The following TMEM132D variants were observed in gnomAD, a reference collection of about 807,000 sequenced individuals.
TMEM132D encodes transmembrane protein 132D, also known as mature OL transmembrane protein.
TMEM132D carries 21 observed loss-of-function variants against 62.3 expected under a neutral mutation model. That is an observed-to-expected ratio of 0.34 (90% CI 0.24 to 0.49). The LOEUF is 0.49. TMEM132D is among the 20% of genes least tolerant of loss of function. TMEM132D has a pLI of 0.99. For synonymous variants in TMEM132D, 621 were observed against 575.6 expected, an observed-to-expected ratio of 1.08 and a Z score of -1.13; for missense variants, 1,346 against 1,402.8, an observed-to-expected ratio of 0.96 and a Z score of 0.65.
chr12:129,658,081 G>GA (rs1880140288), intron 2 of TMEM132D, among the ~76,000 whole-genome samples: 1 of 152,208 alleles, frequency 6.6e-6, no homozygotes, highest in Admixed American at 6.5e-5. Context: ...AAGTGCTTGA[G>GA]AGAGTAGCCA....
intron 4 of TMEM132D, among the ~76,000 whole-genome samples, chr12:129,319,778 C>T (rs1316903304): frequency 1.3e-5 from 2 of 152,182 alleles, no homozygotes; most frequent in East Asian, 1.9e-4. Flanking sequence ...AGGTATTGTC[C>T]TTTCCTGTTC....
intron 5 of TMEM132D, among the ~76,000 whole-genome samples, chr12:129,165,690 T>TC (rs1565983714): frequency 1.6e-4 from 18 of 110,700 alleles, no homozygotes; most frequent in South Asian, 8.4e-4. Flanking sequence ...CTTTTTTTTT[T>TC]TCCCCTACAA....
At chr12:129,179,875 A>G (rs1347679150) in intron 5 of TMEM132D, among the ~76,000 whole-genome samples, 1 of 151,996 alleles carries the variant, frequency 6.6e-6, no homozygotes, top group African/African-American at 2.4e-5. Flanking sequence ...TAAAAATACA[A>G]AAATTAGCCA....
Position 129,081,795 on chromosome 12 carries a change from G to A in TMEM132D, c.1887C>T (p.Ile629=), listed in dbSNP as rs60962336. 45,524 of 1,612,262 alleles carry A rather than the reference G, an allele frequency of 0.028. 2,369 individuals are homozygous for A. Among genetic ancestry groups the A allele is most frequent in the Admixed American group, 0.2 (11,671 of 59,834 alleles). ...PRIAKLQGGQ[I]LMGQELGMTT... is the part of the protein sequence containing the mutation. ...TCATCCCAAGCTCCTGCCCCATCAG[G>A]ATCTGTCCGCCTTGCAGCTTGGCGA... The change falls in exon 7 of 9, where the codon ATC becomes ATT. Residue 629 remains isoleucine (I), a synonymous_variant. Coordinates refer to ENST00000422113, the MANE Select transcript of TMEM132D (RefSeq NM_133448.3).
chr12:129,790,132 G>A (rs1173208010), intron 1 of TMEM132D, among the ~76,000 whole-genome samples: 3 of 152,180 alleles, frequency 2.0e-5, no homozygotes, highest in Non-Finnish European at 4.4e-5. Flanking sequence ...AGATGCAGGA[G>A]CTGGGGCGAG....
chr12:129,826,301 G>A (rs563927149), intron 1 of TMEM132D, among the ~76,000 whole-genome samples: 16 of 152,286 alleles, frequency 1.1e-4, no homozygotes, highest in African/African-American at 3.8e-4. Context: ...CACACAGCGT[G>A]GGTGAGAAGT....
chr12:129,865,095 T>A (rs974286763), intron 1 of TMEM132D, among the ~76,000 whole-genome samples: 1 of 152,160 alleles, frequency 6.6e-6, no homozygotes, highest in Non-Finnish European at 1.5e-5. Context: ...ATGCCCAGGA[T>A]GAGCTGAGGT....
At chr12:129,240,240 T>G (rs992264528) in intron 4 of TMEM132D, among the ~76,000 whole-genome samples, 8 of 152,212 alleles carry the variant, frequency 5.3e-5, no homozygotes, top group Admixed American at 5.2e-4. Context: ...ATTTGCTTTA[T>G]GTATAAAATG....
intron 2 of TMEM132D, among the ~76,000 whole-genome samples, chr12:129,565,641 T>C (rs2137116114): frequency 6.6e-6 from 1 of 152,282 alleles, no homozygotes; most frequent in South Asian, 2.1e-4. Context: ...CAGCAGCCCA[T>C]TCTGCCTGGT....
At position 129,407,672 on chromosome 12, in the gene TMEM132D, C is replaced by T. The variant is rs186133063; in HGVS notation, c.1116-69855G>A. ...CTGTAATCCCAGCACTTTGGGAGAC[C>T]GAGGCAGGCGGATCATGAGGTCAGG... On this transcript the variant is annotated intron_variant, in intron 3 of 8. Coordinates refer to ENST00000422113, the MANE Select transcript of TMEM132D (RefSeq NM_133448.3). 1.8e-3 allele frequency among the ~76,000 whole-genome samples: 276 copies of T among 151,804 alleles called. 1 individual carries two copies. Among genetic ancestry groups the T allele is most frequent in the African/African-American group, 6.3e-3 (261 of 41,394 alleles).
At chr12:129,097,405 T>C (rs1328804322) in intron 5 of TMEM132D, among the ~76,000 whole-genome samples, 1 of 152,246 alleles carries the variant, frequency 6.6e-6, no homozygotes, top group Non-Finnish European at 1.5e-5. Flanking sequence ...GCACATTCTC[T>C]GTATGTTTCT....
intron 2 of TMEM132D, among the ~76,000 whole-genome samples, chr12:129,680,173 C>G (rs960313322): frequency 1.3e-5 from 2 of 152,182 alleles, no homozygotes; most frequent in African/African-American, 4.8e-5. Context: ...GAAATAAGGG[C>G]AAAAGGTTAG....
chr12:129,552,057 G>GAA (rs886242994), intron 2 of TMEM132D, among the ~76,000 whole-genome samples: 2 of 152,120 alleles, frequency 1.3e-5, no homozygotes, highest in African/African-American at 4.8e-5. Context: ...ACAAAATCAG[G>GAA]AAAAAGTACT....
At chr12:129,447,216 AT>A (rs1049327542) in intron 3 of TMEM132D, among the ~76,000 whole-genome samples, 3 of 151,940 alleles carry the variant, frequency 2.0e-5, no homozygotes, top group African/African-American at 2.4e-5. Context: ...ACTTTATCCA[AT>A]TTTTTTTACT....
intron 3 of TMEM132D, among the ~76,000 whole-genome samples, chr12:129,513,799 T>C (rs567613733): frequency 5.6e-4 from 80 of 142,632 alleles, no homozygotes; most frequent in African/African-American, 1.9e-3. Flanking sequence ...GGGACCAATT[T>C]TTATTTTTAT....
chr12:129,194,487 C>G (rs1422551209), intron 5 of TMEM132D, among the ~76,000 whole-genome samples: 1 of 152,120 alleles, frequency 6.6e-6, no homozygotes, highest in Non-Finnish European at 1.5e-5. Flanking sequence ...GGGAGAGGAA[C>G]AGAAAAGATC....
At chr12:129,115,092 A>G (rs1215463271) in intron 5 of TMEM132D, among the ~76,000 whole-genome samples, 1 of 152,148 alleles carries the variant, frequency 6.6e-6, no homozygotes, top group Non-Finnish European at 1.5e-5. Context: ...TTTTCACTCA[A>G]GCTGCTTTAT....
chr12:129,336,544 C>G (rs573466644), intron 4 of TMEM132D, among the ~76,000 whole-genome samples: 3 of 151,734 alleles, frequency 2.0e-5, no homozygotes, highest in Admixed American at 2.0e-4. Flanking sequence ...CGCACTCCAG[C>G]CTGGGCAACA....
intron 2 of TMEM132D, among the ~76,000 whole-genome samples, chr12:129,597,414 C>T (rs1878366986): frequency 6.6e-6 from 1 of 151,976 alleles, no homozygotes; most frequent in Admixed American, 6.6e-5. Context: ...CTATAATGAA[C>T]ACCCCATACT....
Sources: gnomAD v4.1 joint callset for allele counts (sites outside exome capture counted in the v4.1 genomes callset) on GRCh38, gnomAD v4.1.1 for gene constraint, MANE v1.5 for transcripts, NCBI Gene and HGNC (gene_info 2026-07-23, HGNC 2026-07-21) for gene names.